XIST: variants seen among roughly 807,000 people sequenced by gnomAD.
The protein encoded by XIST is X inactive specific transcript (non-protein coding).
Position 73,831,327 on chromosome X carries a change from G to C in XIST, n.11544-53C>G, listed in dbSNP as rs1466964820. On this transcript the variant is annotated intron_variant and non_coding_transcript_variant, in intron 3 of 5. Transcript: ENST00000429829. ...GAAATGCAGTACACTGGGAAAGTCT[G>C]TTCTAATGGGCAACTAGTGGTTGAG... 6.5e-6 allele frequency: 3 copies of C among 460,063 alleles called. No homozygotes were observed. In the Admixed American group the frequency reaches 9.3e-5, roughly 14 times the overall value. The allele number at this position is 460,063 out of a possible 1,213,427, so 37.9% of individuals were successfully genotyped here. A position where few individuals can be genotyped will look rare whatever the true frequency, so the allele number is the denominator to read the frequency against.
chrX:73,847,285 C>G (rs894542191), exon 1 of XIST: 2 of 553,112 alleles, frequency 3.6e-6, no homozygotes, highest in Non-Finnish European at 6.5e-6. Flanking sequence ...AGGGGCACAT[C>G]AACTACTGCT....
exon 1 of XIST, chrX:73,848,415 G>C (rs776417641): frequency 9.5e-5 from 53 of 555,145 alleles, no homozygotes; most frequent in Non-Finnish European, 1.5e-4. Context: ...CACATAAACT[G>C]TCCTAGTACA....
chrX:73,821,158 T>C (rs771692053), exon 6 of XIST: 3 of 557,362 alleles, frequency 5.4e-6, no homozygotes, highest in Non-Finnish European at 9.7e-6. Flanking sequence ...AACATTAATA[T>C]TTCAAATCTG....
At chrX:73,832,905 C>A (rs992709354) in intron 3 of XIST, among the ~76,000 whole-genome samples, 2 of 111,201 alleles carry the variant, frequency 1.8e-5, no homozygotes, top group African/African-American at 3.3e-5. Flanking sequence ...TTTTAAGAGA[C>A]TGGGTCCCGC....
exon 1 of XIST, chrX:73,846,223 CAAA>C (rs1178327682): frequency 1.8e-6 from 1 of 557,670 alleles, no homozygotes; most frequent in African/African-American, 2.2e-5. Flanking sequence ...TGCTGTACTG[CAAA>C]AGGGGTCTGA....
intron 3 of XIST, chrX:73,833,166 C>T: frequency 1.9e-6 from 1 of 519,148 alleles, no homozygotes; most frequent in South Asian, 2.7e-5. Context: ...CTGTGTTCTG[C>T]TTTAAAAAGG....
chrX:73,846,506 G>A, exon 1 of XIST: 1 of 559,272 alleles, frequency 1.8e-6, no homozygotes, highest in African/African-American at 2.2e-5. Context: ...CTTCTGTATT[G>A]CAAAAGGGGT....
chrX:73,836,996 A>G (rs938834384), intron 2 of XIST, among the ~76,000 whole-genome samples: 2 of 111,744 alleles, frequency 1.8e-5, no homozygotes, highest in Non-Finnish European at 3.8e-5. Flanking sequence ...AATAAACACA[A>G]TACATTGTGG....
intron 2 of XIST, among the ~76,000 whole-genome samples, chrX:73,834,298 G>A (rs185831683): frequency 8.9e-6 from 1 of 112,488 alleles, no homozygotes; most frequent in African/African-American, 3.2e-5. Flanking sequence ...CATCTAAAAG[G>A]GAACAACTAT....
At chrX:73,844,175 A>T (rs765450231) in exon 1 of XIST, 1 of 556,745 alleles carries the variant, frequency 1.8e-6, no homozygotes, top group East Asian at 3.3e-5. Context: ...AGCCAAGAAA[A>T]GGGGACTTAG....
chrX:73,836,603 C>T (rs377580795), intron 2 of XIST, among the ~76,000 whole-genome samples: 2 of 111,378 alleles, frequency 1.8e-5, no homozygotes, highest in African/African-American at 6.5e-5. Context: ...CATATACACA[C>T]GTTAGAATGC....
rs370867928 is a variant in XIST, at chrX:73,844,864, C to T, written n.7860G>A. On this transcript the variant is annotated non_coding_transcript_exon_variant, in exon 1 of 6. Transcript: ENST00000429829. Reference sequence around the variant, plus strand: ...GGCTGCGGTCACTTAGAATTGTGCACCTTGACTGTCCAAATGTAAGGTTCT... The same window carrying T: ...GGCTGCGGTCACTTAGAATTGTGCATCTTGACTGTCCAAATGTAAGGTTCT... 29 of 555,176 alleles carry T rather than the reference C, an allele frequency of 5.2e-5. No homozygotes were observed. The African/African-American group carries it at 5.4e-4, about 10-fold the overall frequency. 45.8% of individuals were successfully genotyped at this position (555,176 alleles called of 1,213,427 possible). A position where few individuals can be genotyped will look rare whatever the true frequency, so the allele number is the denominator to read the frequency against.
At chrX:73,849,615 G>C (rs1234714831) in exon 1 of XIST, 1 of 558,520 alleles carries the variant, frequency 1.8e-6, no homozygotes, top group Admixed American at 2.2e-5. Flanking sequence ...AACGTACCGA[G>C]TAAGGAAATT....
chrX:73,829,051 C>T (rs1424063624), intron 5 of XIST: 2 of 553,283 alleles, frequency 3.6e-6, no homozygotes, highest in Non-Finnish European at 6.5e-6. Context: ...CACAGGACTG[C>T]AACATCAACA....
intron 4 of XIST, chrX:73,829,369 G>T: frequency 2.4e-6 from 1 of 419,436 alleles, no homozygotes. Flanking sequence ...AAACTTTTAG[G>T]TCTTTAGAGA....
At chrX:73,822,522 AAAAAATAAACAGT>A (rs953860135) in exon 6 of XIST, 2 of 512,631 alleles carry the variant, frequency 3.9e-6, no homozygotes, top group Admixed American at 2.7e-5. Context: ...AATACATGAA[AAAAAATAAACAGT>A]AACCTTTCTC....
At position 73,851,976 on chromosome X, in the gene XIST, A is replaced by AT. The variant is rs753843260; in HGVS notation, n.747dup. The AT allele has an allele frequency of 9.0e-6, 5 of 557,216 alleles. No individual in the cohort carries two copies. In the Admixed American group the frequency reaches 1.1e-4, roughly 12 times the overall value. 45.9% of individuals were successfully genotyped at this position (557,216 alleles called of 1,213,427 possible). ...GAGTGCAACAACCCACAAAACCAACATTTTTTCATCCATAAAAAGCACCGA... is the reference window on the plus strand; with the variant it reads ...GAGTGCAACAACCCACAAAACCAACATTTTTTTCATCCATAAAAAGCACCGA... On this transcript the variant is annotated non_coding_transcript_exon_variant, in exon 1 of 6. Transcript: ENST00000429829.
chrX:73,850,978 C>T, exon 1 of XIST: 1 of 559,349 alleles, frequency 1.8e-6, no homozygotes, highest in Non-Finnish European at 3.2e-6. Context: ...CACGTGGCCC[C>T]TCCACTTCTT....
exon 6 of XIST, chrX:73,823,359 C>T (rs1265397461): frequency 4.0e-6 from 2 of 500,246 alleles, no homozygotes; most frequent in African/African-American, 4.9e-5. Flanking sequence ...GTCTTCTGGG[C>T]CAGACCTATT....
Sources: gnomAD v4.1 joint callset for allele counts (sites outside exome capture counted in the v4.1 genomes callset) on GRCh38, gnomAD v4.1.1 for gene constraint, MANE v1.5 for transcripts, NCBI Gene and HGNC (gene_info 2026-07-23, HGNC 2026-07-21) for gene names.